Variants in CNTLN observed in about 807,000 individuals in gnomAD.
CNTLN encodes the protein centlein, also known as centlein, centrosomal protein.
CNTLN carries 212 observed loss-of-function variants against 180.0 expected under a neutral mutation model. The observed-to-expected ratio is 1.18, with a 90% CI of 1.05 to 1.32. CNTLN has a LOEUF of 1.32. Ranked by LOEUF, CNTLN falls within the 40% of genes most tolerant of loss-of-function variation. The pLI, the probability that CNTLN is intolerant of heterozygous loss-of-function variation, is 0.00. For synonymous variants in CNTLN, 722 were observed against 563.1 expected, an observed-to-expected ratio of 1.28 and a Z score of -3.99; for missense variants, 2,095 against 1,610.9, an observed-to-expected ratio of 1.30 and a Z score of -5.14.
intron 13 of CNTLN, among the ~76,000 whole-genome samples, chr9:17,383,209 C>A (rs2133606919): frequency 6.6e-6 from 1 of 152,220 alleles, no homozygotes. Flanking sequence ...TTGGTTGCTT[C>A]TGTTATGCTT....
At chr9:17,306,529 G>A (rs1485825134) in intron 7 of CNTLN, among the ~76,000 whole-genome samples, 3 of 152,094 alleles carry the variant, frequency 2.0e-5, no homozygotes, top group Non-Finnish European at 4.4e-5. Flanking sequence ...TGAATGAATC[G>A]GCCTAAAGCC....
intron 5 of CNTLN, among the ~76,000 whole-genome samples, chr9:17,272,274 A>G (rs1342325887): frequency 1.3e-5 from 2 of 151,938 alleles, no homozygotes; most frequent in African/African-American, 4.8e-5. Context: ...GCGGGGTTTC[A>G]CCACGTTGGC....
intron 18 of CNTLN, 58 bp downstream of exon 18, chr9:17,416,247 GT>G (rs1339807216): frequency 9.5e-6 from 13 of 1,369,604 alleles, no homozygotes; most frequent in African/African-American, 1.5e-5. Flanking sequence ...TGGATATTTT[GT>G]TTTACATGTA....
chr9:17,302,433 A>T (rs1442573046), intron 7 of CNTLN, among the ~76,000 whole-genome samples: 2 of 152,134 alleles, frequency 1.3e-5, no homozygotes, highest in Admixed American at 6.5e-5. Context: ...TCCTTACCTC[A>T]GGTGATCCAT....
At chr9:17,367,504 C>A (rs1021210853) in intron 13 of CNTLN, among the ~76,000 whole-genome samples, 1 of 152,124 alleles carries the variant, frequency 6.6e-6, no homozygotes, top group Non-Finnish European at 1.5e-5. Context: ...TACTGAGACA[C>A]CAGCCAGGGC....
chr9:17,463,253 A>G (rs1337535360), intron 20 of CNTLN, among the ~76,000 whole-genome samples: 1 of 151,672 alleles, frequency 6.6e-6, no homozygotes, highest in Non-Finnish European at 1.5e-5. Context: ...TTTAATTTTG[A>G]ATAAATACAA....
At chr9:17,421,081 T>C (rs1828686828) in intron 18 of CNTLN, among the ~76,000 whole-genome samples, 1 of 152,172 alleles carries the variant, frequency 6.6e-6, no homozygotes, top group Non-Finnish European at 1.5e-5. Flanking sequence ...GTTCATTTGG[T>C]TTATAATGTA....
the CNTLN span, among the ~76,000 whole-genome samples, chr9:17,524,028 A>C: frequency 6.6e-6 from 1 of 152,188 alleles, no homozygotes; most frequent in Non-Finnish European, 1.5e-5. Flanking sequence ...AATGTTTTCT[A>C]AAATGAGAAA....
chr9:17,492,265 T>TTTTCTTTC lies in CNTLN; in HGVS notation c.4119+5214_4119+5221dup, dbSNP rs140003186. Among the ~76,000 whole-genome samples the TTTTCTTTC allele has an allele frequency of 3.6e-3, 550 of 151,988 alleles. 2 individuals carry two copies. Among genetic ancestry groups the TTTTCTTTC allele is most frequent in the African/African-American group, 0.013 (529 of 41,346 alleles). ...ATATCAGTTTTTTCTTGTAATTCCT[T>TTTTCTTTC]TTTCTTTCTTTCTTTCTTTCTTATT... On this transcript the variant is annotated intron_variant, in intron 25 of 25. Coordinates refer to ENST00000380647, the MANE Select transcript of CNTLN (RefSeq NM_017738.4).
chr9:17,309,246 A>T lies in CNTLN; in HGVS notation c.1335A>T (p.Ser445=). ...CTCAAGAAAGTGATCCAGACTACTCAGCACAGGTGAGAGACATTTTCTAAA... is the reference window on the plus strand; with the variant it reads ...CTCAAGAAAGTGATCCAGACTACTCTGCACAGGTGAGAGACATTTTCTAAA... ...PLPQESDPDY[S]AQVPHRPSLS... is the part of the protein sequence containing the mutation. The change falls in exon 8 of 26, where the codon TCA becomes TCT. Residue 445 remains serine (S), a synonymous_variant. Coordinates refer to ENST00000380647, the MANE Select transcript of CNTLN (RefSeq NM_017738.4). 1 of 1,561,874 alleles carries T rather than the reference A, an allele frequency of 6.4e-7. No homozygotes were observed. Among genetic ancestry groups the T allele is most frequent in the Non-Finnish European group, 8.7e-7 (1 of 1,156,024 alleles).
At chr9:17,460,630 T>C (rs1201523136) in intron 19 of CNTLN, among the ~76,000 whole-genome samples, 1 of 151,808 alleles carries the variant, frequency 6.6e-6, no homozygotes, top group East Asian at 1.9e-4. Context: ...TTTAGAGATC[T>C]TGGCCAAAGT....
intron 23 of CNTLN, among the ~76,000 whole-genome samples, chr9:17,478,669 G>A (rs985905827): frequency 1.3e-5 from 2 of 152,042 alleles, no homozygotes; most frequent in African/African-American, 2.4e-5. Context: ...ATTTTTGTCT[G>A]TGGTGTAAGA....
intron 10 of CNTLN, among the ~76,000 whole-genome samples, chr9:17,338,311 C>A: frequency 6.7e-6 from 1 of 148,194 alleles, no homozygotes; most frequent in East Asian, 2.0e-4. Context: ...ATTACAGGCA[C>A]CTGCTATCAC....
At chr9:17,457,460 T>C in intron 18 of CNTLN, 64 bp from the exon 19 acceptor site, 1 of 875,054 alleles carries the variant, frequency 1.1e-6, no homozygotes, top group Non-Finnish European at 1.6e-6. Flanking sequence ...TGCTGATAAT[T>C]GTTAGATTAA....
chr9:17,265,480 A>G (rs1827349931), intron 5 of CNTLN, among the ~76,000 whole-genome samples: 1 of 149,274 alleles, frequency 6.7e-6, no homozygotes, highest in South Asian at 2.2e-4. Flanking sequence ...AATGTTCATC[A>G]AGGATATTGG....
the CNTLN span, among the ~76,000 whole-genome samples, chr9:17,518,301 C>T: frequency 6.6e-6 from 1 of 152,006 alleles, no homozygotes; most frequent in Non-Finnish European, 1.5e-5. Context: ...CCTACCTCGC[C>T]CTCCCAAAAT....
chr9:17,334,852 A>G (rs1023786390), intron 10 of CNTLN, among the ~76,000 whole-genome samples: 1 of 151,400 alleles, frequency 6.6e-6, no homozygotes, highest in Non-Finnish European at 1.5e-5. Flanking sequence ...CCCAAACCTC[A>G]GCATCCTGCA....
At chr9:17,397,427 A>C (rs1341634503) in intron 15 of CNTLN, among the ~76,000 whole-genome samples, 1 of 152,178 alleles carries the variant, frequency 6.6e-6, no homozygotes, top group Non-Finnish European at 1.5e-5. Context: ...TTTTTAGACC[A>C]TATAGGGTAA....
intron 2 of CNTLN, among the ~76,000 whole-genome samples, chr9:17,159,182 T>A (rs9407788): frequency 0.33 from 49,574 of 152,002 alleles, 10,126 homozygotes; most frequent in East Asian, 0.59. Flanking sequence ...ATTAAAATTT[T>A]TTGACATTTG....
Sources: allele counts gnomAD v4.1 joint callset (sites outside exome capture counted in the v4.1 genomes callset), GRCh38; gene constraint gnomAD v4.1.1; transcripts MANE v1.5; gene names NCBI Gene and HGNC (gene_info 2026-07-23, HGNC 2026-07-21).